PPP1R12A: variants seen among roughly 807,000 people sequenced by gnomAD.
PPP1R12A encodes myosin binding subunit.
In PPP1R12A, 19 loss-of-function variants were observed where a neutral mutation model predicts 139.6. The ratio of observed to expected loss-of-function variants is 0.14; its 90% CI spans 0.09 to 0.20. The LOEUF (loss-of-function observed/expected upper bound fraction) is 0.20, where lower values mean the gene tolerates loss of function less well. Among genes scored for constraint, PPP1R12A ranks in the 10% least tolerant of loss-of-function variants. The pLI is 1.00. For missense variants in PPP1R12A, 925 were observed against 1,211.5 expected, an observed-to-expected ratio of 0.76 and a Z score of 3.51; for synonymous variants, 427 against 420.6, an observed-to-expected ratio of 1.02 and a Z score of -0.19.
chr12:79,776,287 C>A (rs1869710480), intron 24 of PPP1R12A, among the ~76,000 whole-genome samples: 1 of 152,052 alleles, frequency 6.6e-6, no homozygotes, highest in African/African-American at 2.4e-5. Flanking sequence ...TTATGACTCA[C>A]AAGCACACCA....
intron 1 of PPP1R12A, among the ~76,000 whole-genome samples, chr12:79,930,893 G>T (rs1888203806): frequency 6.6e-6 from 1 of 152,202 alleles, no homozygotes; most frequent in African/African-American, 2.4e-5. Flanking sequence ...AGACAGACTG[G>T]ATTATGCATA....
At chr12:79,858,930 G>A (rs1880991096) in intron 2 of PPP1R12A, among the ~76,000 whole-genome samples, 2 of 152,126 alleles carry the variant, frequency 1.3e-5, no homozygotes, top group African/African-American at 4.8e-5. Context: ...CAATAAAACT[G>A]TCATGTTACC....
chr12:79,833,497 C>T (rs1317799865), intron 3 of PPP1R12A, among the ~76,000 whole-genome samples: 1 of 151,834 alleles, frequency 6.6e-6, no homozygotes, highest in Admixed American at 6.6e-5. Flanking sequence ...TATCTTTTAT[C>T]CCCACTGTCT....
intron 5 of PPP1R12A, chr12:79,825,061 A>T (rs557097645): frequency 1.3e-5 from 2 of 152,310 alleles, no homozygotes; most frequent in South Asian, 2.1e-4. Context: ...CTCACTGTAC[A>T]GATGAAGAAA....
At chr12:79,844,558 G>A (rs1161186933) in intron 3 of PPP1R12A, among the ~76,000 whole-genome samples, 1 of 152,042 alleles carries the variant, frequency 6.6e-6, no homozygotes, top group African/African-American at 2.4e-5. Context: ...TATTTTGTCT[G>A]GATTATGTCA....
At chr12:79,899,831 T>TGAGAG (rs1027027596) in intron 1 of PPP1R12A, among the ~76,000 whole-genome samples, 18 of 152,164 alleles carry the variant, frequency 1.2e-4, no homozygotes, top group Admixed American at 5.9e-4. Context: ...TCACCAACAA[T>TGAGAG]GAGAGTTCCA....
rs543589561 is a variant in PPP1R12A at position 79,934,875 on chromosome 12, G to A, written c.57C>T (p.Gly19=). 24 of 1,611,026 alleles carry A rather than the reference G, an allele frequency of 1.5e-5. No individual in the cohort carries two copies. In the East Asian group the frequency reaches 5.1e-4, roughly 35 times the overall value. Residue 19 remains glycine, a synonymous_variant, in exon 1 of 25, where the codon GGC becomes GGT. Coordinates refer to ENST00000450142, the MANE Select transcript of PPP1R12A (RefSeq NM_002480.3). ...CCGGAGGCTCGAGGTCCGTCTCGGA[G>A]CCGATCCAGCGTTTCAGCTGCTCGT... ...KRNEQLKRWI[G]SETDLEPPVV... is the part of the protein sequence containing the mutation.
chr12:79,844,386 C>T (rs1592703684), intron 3 of PPP1R12A, among the ~76,000 whole-genome samples: 1 of 152,194 alleles, frequency 6.6e-6, no homozygotes, highest in African/African-American at 2.4e-5. Context: ...CAGATAGGAA[C>T]TTCATCCATC....
At chr12:79,872,023 G>A (rs1882627753) in intron 2 of PPP1R12A, among the ~76,000 whole-genome samples, 1 of 152,032 alleles carries the variant, frequency 6.6e-6, no homozygotes, top group South Asian at 2.1e-4. Context: ...TACAGTTTCT[G>A]CCTTGAAATT....
chr12:79,871,600 C>CATCA (rs1882574639), intron 2 of PPP1R12A, among the ~76,000 whole-genome samples: 1 of 152,132 alleles, frequency 6.6e-6, no homozygotes, highest in Non-Finnish European at 1.5e-5. Flanking sequence ...AGGTTATACT[C>CATCA]CTTGATAGTG....
In PPP1R12A at chr12:79,825,310, T is replaced by C. The variant is rs1876633718; in HGVS notation, c.792+3010A>G. 2.0e-5 allele frequency: 3 copies of C among 152,142 alleles called. No homozygotes were observed. In the South Asian group the frequency reaches 6.2e-4, roughly 32 times the overall value. The allele number at this position is 152,142 out of a possible 1,614,324, so 9.4% of individuals were successfully genotyped here. On this transcript the variant is annotated intron_variant, in intron 5 of 24. Transcript: ENST00000450142. ...CTAAAAACTTGTCTGCTAACCATTG[T>C]ATTAATTTGGTAAGAGAAATTCCAA... is the stretch of plus-strand genomic sequence containing the variant.
chr12:79,819,427 T>A (rs1875816358), intron 8 of PPP1R12A: 2 of 152,056 alleles, frequency 1.3e-5, no homozygotes, highest in Non-Finnish European at 2.9e-5. Flanking sequence ...GAAGAAAAAA[T>A]TTAGTGAACA....
In PPP1R12A at chr12:79,911,997, TA is replaced by T. The variant is rs566468420; in HGVS notation, c.237+22697del. Reference sequence around the variant, plus strand: ...TAGATCTGACCTCAACCTATCTCTATACTGTTTGCTATACCATTCTTCTCAC... The same window carrying T: ...TAGATCTGACCTCAACCTATCTCTATCTGTTTGCTATACCATTCTTCTCAC... On this transcript the variant is annotated intron_variant, in intron 1 of 24. Coordinates refer to ENST00000450142, the MANE Select transcript of PPP1R12A (RefSeq NM_002480.3). 1.9e-3 allele frequency among the ~76,000 whole-genome samples: 297 copies of T among 152,346 alleles called. 1 individual carries two copies. The highest frequency in any genetic ancestry group is 3.4e-3 in the Non-Finnish European group (230 of 68,026).
intron 24 of PPP1R12A, among the ~76,000 whole-genome samples, chr12:79,776,913 ATAAAAG>A (rs1565732445): frequency 6.6e-6 from 1 of 152,178 alleles, no homozygotes; most frequent in Non-Finnish European, 1.5e-5. Flanking sequence ...ATCTAACTTG[ATAAAAG>A]TAAAACTTCT....
intron 11 of PPP1R12A, among the ~76,000 whole-genome samples, chr12:79,807,594 T>C (rs994901552): frequency 6.6e-6 from 1 of 152,004 alleles, no homozygotes; most frequent in African/African-American, 2.4e-5. Flanking sequence ...GGGAGATGCT[T>C]ACTTTAACCG....
intron 2 of PPP1R12A, among the ~76,000 whole-genome samples, chr12:79,864,287 C>T (rs1881712290): frequency 6.6e-6 from 1 of 152,084 alleles, no homozygotes; most frequent in African/African-American, 2.4e-5. Context: ...TTCTTTGAAA[C>T]CAATGAAAAC....
chr12:79,875,454 C>T (rs1195897257), intron 1 of PPP1R12A, among the ~76,000 whole-genome samples: 1 of 151,870 alleles, frequency 6.6e-6, no homozygotes, highest in Non-Finnish European at 1.5e-5. Flanking sequence ...GGCAAGTGGC[C>T]TCTTTTTTTC....
chr12:79,793,200 C>G (rs1329256244), intron 19 of PPP1R12A, among the ~76,000 whole-genome samples: 2 of 152,110 alleles, frequency 1.3e-5, no homozygotes, highest in Non-Finnish European at 2.9e-5. Context: ...TATTTTTTAG[C>G]TTTCTACACA....
chr12:79,913,451 T>C (rs558732321), intron 1 of PPP1R12A, among the ~76,000 whole-genome samples: 3 of 152,324 alleles, frequency 2.0e-5, no homozygotes, highest in African/African-American at 7.2e-5. Context: ...TTTCCCCACT[T>C]TTCTGAAATG....
Sources: gnomAD v4.1 joint callset for allele counts (sites outside exome capture counted in the v4.1 genomes callset) on GRCh38, gnomAD v4.1.1 for gene constraint, MANE v1.5 for transcripts, NCBI Gene and HGNC (gene_info 2026-07-23, HGNC 2026-07-21) for gene names.